The following PLBD2 variants were observed in gnomAD, a reference collection of about 807,000 sequenced individuals.
PLBD2 encodes putative aminopeptidase PLBD2.
PLBD2 carries 51 observed loss-of-function variants against 68.3 expected under a neutral mutation model. The ratio of observed to expected loss-of-function variants is 0.75; its 90% CI spans 0.60 to 0.94. The LOEUF is 0.94. PLBD2 is among the 40% of genes least tolerant of loss of function. PLBD2 has a pLI of 0.00. For synonymous variants in PLBD2, 314 were observed against 339.3 expected, an observed-to-expected ratio of 0.93 and a Z score of 0.82; for missense variants, 729 against 792.2, an observed-to-expected ratio of 0.92 and a Z score of 0.96.
At chr12:113,359,998 G>A (rs1054608297) in intron 1 of PLBD2, among the ~76,000 whole-genome samples, 8 of 152,122 alleles carry the variant, frequency 5.3e-5, no homozygotes, top group African/African-American at 1.9e-4. Flanking sequence ...AGACCACACT[G>A]CCCCCTGCAG....
Position 113,389,436 on chromosome 12 carries a change from G to C in PLBD2, c.*810G>C, listed in dbSNP as rs1294713008. On this transcript the variant is annotated 3_prime_UTR_variant, in exon 12 of 12. Transcript: ENST00000280800. ...TTCTTGGGGTGGCAGGGAAGGTGGG[G>C]TCAGCGCTTTTTCTCCTCTCAGGTT... 6.6e-6 allele frequency: 1 copy of C among 152,316 alleles called. No individual in the cohort carries two copies. 9.4% of individuals were successfully genotyped at this position (152,316 alleles called of 1,614,324 possible).
intron 1 of PLBD2, among the ~76,000 whole-genome samples, chr12:113,365,119 C>T (rs185512136): frequency 9.9e-5 from 15 of 152,214 alleles, no homozygotes; most frequent in East Asian, 7.7e-4. Flanking sequence ...AGAACTATAC[C>T]TCCTTGCCCC....
In PLBD2 at chr12:113,384,825, C is replaced by T. The variant is rs762756549; in HGVS notation, c.1119-26C>T. ...TGGGGAGGTGGCTCCAGGCTCTGTT[C>T]AGTCCTCCCTTCCCCTGCCCGGCAG... On this transcript the variant is annotated intron_variant, in intron 7 of 11. Transcript: ENST00000280800. The surrounding 1 kb of genome is among the most constrained non-coding windows in gnomAD (Gnocchi z 4.2). 3.3e-5 allele frequency: 53 copies of T among 1,601,004 alleles called. No homozygotes were observed. Among genetic ancestry groups the T allele is most frequent in the Non-Finnish European group, 4.4e-5 (51 of 1,168,700 alleles).
chr12:113,361,341 G>GTTTTTT (rs1371619529), intron 1 of PLBD2, among the ~76,000 whole-genome samples: 1 of 110,854 alleles, frequency 9.0e-6, no homozygotes, highest in Non-Finnish European at 1.9e-5. Context: ...TTTTTTTTTT[G>GTTTTTT]TTTTTTTTTT....
rs751610979 is a variant in PLBD2, at chr12:113,358,615, G to T, written c.15G>T (p.Met5Ile). The T allele has an allele frequency of 1.3e-5, 19 of 1,470,648 alleles. No homozygotes were observed. The Middle Eastern group carries it at 1.2e-3, about 91-fold the overall frequency. 91.1% of individuals were successfully genotyped at this position (1,470,648 alleles called of 1,614,324 possible). ...ATTGTGCGGTCATGGTGGGCCAGAT[G>T]TACTGCTACCCCGGCAGCCACCTGG... is the stretch of plus-strand genomic sequence containing the variant. Reference protein sequence around the residue: MVGQMYCYPGSHLAR... With the variant: MVGQIYCYPGSHLAR... Residue 5 changes from methionine (M) to isoleucine (I), a missense_variant, in exon 1 of 12, where the codon ATG (methionine) becomes ATT (isoleucine). Coordinates refer to ENST00000280800, the MANE Select transcript of PLBD2 (RefSeq NM_173542.4).
intron 6 of PLBD2, among the ~76,000 whole-genome samples, chr12:113,382,387 GACT>G (rs759678472): frequency 6.6e-6 from 1 of 152,122 alleles, no homozygotes; most frequent in Non-Finnish European, 1.5e-5. Context: ...CCGTCCCAGT[GACT>G]ACTAATACCA....
At chr12:113,367,179 A>AT (rs1957349066) in intron 1 of PLBD2, among the ~76,000 whole-genome samples, 1 of 152,220 alleles carries the variant, frequency 6.6e-6, no homozygotes, top group South Asian at 2.1e-4. Context: ...ATAAGAAAAG[A>AT]TTTTTAAAAA....
At chr12:113,367,312 A>G (rs934640775) in intron 1 of PLBD2, among the ~76,000 whole-genome samples, 3 of 152,236 alleles carry the variant, frequency 2.0e-5, no homozygotes, top group South Asian at 2.1e-4. Context: ...TTCTGCAGCT[A>G]TCACCTTGGT....
rs921042153 is a variant in PLBD2, at chr12:113,372,567, TGGGGCAGCCTGGGTG to T, written c.385-77_385-63del. On this transcript the variant is annotated intron_variant, in intron 2 of 11. Transcript: ENST00000280800. This position sits in a 1 kb window ranked among gnomAD's most constrained non-coding sequence, Gnocchi z 4.2. ...GTGGCCACACCAGCAGCCTCCGCTCTGGGGCAGCCTGGGTGGGGGGCTCTCAGGGAAGAGAGCACC... is the reference window on the plus strand; with the variant it reads ...GTGGCCACACCAGCAGCCTCCGCTCTGGGGGCTCTCAGGGAAGAGAGCACC... 2.1e-5 allele frequency: 31 copies of T among 1,484,220 alleles called. No homozygotes were observed. The highest frequency in any genetic ancestry group is 2.8e-5 in the Non-Finnish European group (31 of 1,087,802). 91.9% of individuals were successfully genotyped at this position (1,484,220 alleles called of 1,614,324 possible). A position where few individuals can be genotyped will look rare whatever the true frequency, so the allele number is the denominator to read the frequency against.
intron 5 of PLBD2, among the ~76,000 whole-genome samples, chr12:113,375,998 C>T (rs564720909): frequency 1.6e-4 from 24 of 151,652 alleles, no homozygotes; most frequent in African/African-American, 5.1e-4. Context: ...GGACTACAGG[C>T]GTGCATCACC....
At chr12:113,388,025 G>C (rs751653801) in intron 11 of PLBD2, 119 bp downstream of exon 11, 3 of 1,307,206 alleles carry the variant, frequency 2.3e-6, no homozygotes, top group Non-Finnish European at 3.2e-6. Flanking sequence ...TCGGAATTGG[G>C]CTGTGGTTGG....
At chr12:113,388,431 C>T in intron 11 of PLBD2, 28 bp from the exon 12 acceptor site, 1 of 1,520,464 alleles carries the variant, frequency 6.6e-7, no homozygotes, top group Non-Finnish European at 8.8e-7. Flanking sequence ...AGGACCCCTG[C>T]TCAGCTGCGG....
chr12:113,379,656 G>T (rs1957467430), intron 5 of PLBD2, among the ~76,000 whole-genome samples: 1 of 151,932 alleles, frequency 6.6e-6, no homozygotes, highest in South Asian at 2.1e-4. Flanking sequence ...GAGTTCTAGG[G>T]CAGGGGTGAG....
rs2136921975 is a variant in PLBD2 at position 113,384,256 on chromosome 12, A to G, written c.1109A>G (p.Asn370Ser). 2 of 1,611,168 alleles carry G rather than the reference A, an allele frequency of 1.2e-6. No individual in the cohort carries two copies. The highest frequency in any genetic ancestry group is 1.7e-6 in the Non-Finnish European group (2 of 1,178,550). ...ATWADIFKRFNSGTYNNQWMI... is the reference protein window; with the variant it reads ...ATWADIFKRFSSGTYNNQWMI... ...TGGGCAGACATCTTCAAGAGGTTCA[A>G]CAGCGGCACGTGAGTGGGCTTCTGG... is the stretch of plus-strand genomic sequence containing the variant. The change falls in exon 7 of 12, where the codon AAC becomes AGC. Residue 370 changes from asparagine (N) to serine (S), a missense_variant. Transcript: ENST00000280800. The surrounding 1 kb of genome is among the most constrained non-coding windows in gnomAD (Gnocchi z 4.2).
rs770211996 is a variant in PLBD2 at position 113,372,674 on chromosome 12, C to T, written c.410C>T (p.Thr137Met). ...CTCATCTACATGCACTGGATGAACA[C>T]GGTGGTGAATTACTGCGGCCCCTTC... ...EELIYMHWMN[T>M]VVNYCGPFEY... is the part of the protein sequence containing the mutation. Residue 137 changes from threonine (T) to methionine (M), a missense_variant, in exon 3 of 12, where the codon ACG (threonine) becomes ATG (methionine). By Grantham distance (81) the Thr-to-Met change is moderately conservative (BLOSUM62 -1). Transcript: ENST00000280800. The surrounding 1 kb of genome is among the most constrained non-coding windows in gnomAD (Gnocchi z 4.2). The T allele has an allele frequency of 3.7e-6, 6 of 1,613,870 alleles. No homozygotes were observed. Among genetic ancestry groups the T allele is most frequent in the Admixed American group, 1.7e-5 (1 of 60,006 alleles).
chr12:113,385,861 C>T (rs1489438046), intron 9 of PLBD2, among the ~76,000 whole-genome samples: 2 of 151,876 alleles, frequency 1.3e-5, no homozygotes, highest in Admixed American at 6.6e-5. Flanking sequence ...AGTGATTCTC[C>T]TGCCTCAGCC....
chr12:113,359,404 T>A (rs1363654880), intron 1 of PLBD2: 1 of 153,234 alleles, frequency 6.5e-6, no homozygotes, highest in Non-Finnish European at 1.5e-5. Flanking sequence ...GGACTGAACC[T>A]GGGTTCCAGG....
intron 1 of PLBD2, 31 bp from the exon 2 acceptor site, chr12:113,369,085 G>T (rs573728300): frequency 6.6e-7 from 1 of 1,516,408 alleles, no homozygotes; most frequent in African/African-American, 1.4e-5. Flanking sequence ...GGCCTCTGCT[G>T]CTGACTGAGT....
chr12:113,379,307 C>CAAAAAA (rs759130410), intron 5 of PLBD2, among the ~76,000 whole-genome samples: 32 of 46,040 alleles, frequency 7.0e-4, no homozygotes, highest in Admixed American at 9.2e-4. Flanking sequence ...GACTCTGTCT[C>CAAAAAA]AAAAAAAAAA....
Sources: allele counts gnomAD v4.1 joint callset (sites outside exome capture counted in the v4.1 genomes callset), GRCh38; gene constraint gnomAD v4.1.1; non-coding constraint Gnocchi (gnomAD v3.1); transcripts MANE v1.5; gene names NCBI Gene and HGNC (gene_info 2026-07-23, HGNC 2026-07-21).